The following MAGI2 variants were observed in gnomAD, a reference collection of about 807,000 sequenced individuals.
The protein encoded by MAGI2 is membrane associated guanylate kinase, WW and PDZ domain containing 2.
A neutral mutation model predicts 133.3 loss-of-function variants in MAGI2; 35 were observed. The ratio of observed to expected loss-of-function variants is 0.26; its 90% CI spans 0.20 to 0.35. The LOEUF (loss-of-function observed/expected upper bound fraction) is 0.35, where lower values mean the gene tolerates loss of function less well. Ranked by LOEUF, MAGI2 falls within the 10% of genes least tolerant of loss-of-function variation. The pLI is 1.00. For synonymous variants in MAGI2, 729 were observed against 710.6 expected (o/e 1.03, Z -0.41); for missense variants, 1,636 against 1,863.4 (o/e 0.88, Z 2.25).
rs553877849 is a variant in MAGI2, at chr7:79,377,861, C to T, written c.301+75159G>A. ...CATCAAAATAATAGTATATGTAGGT[C>T]GAATACAGGTCACTTTTAGCTTTCC... On this transcript the variant is annotated intron_variant, in intron 1 of 21. Coordinates refer to ENST00000354212, the MANE Select transcript of MAGI2 (RefSeq NM_012301.4). 2.6e-5 allele frequency among the ~76,000 whole-genome samples: 4 copies of T among 151,788 alleles called. No homozygotes were observed. In the South Asian group the frequency reaches 8.3e-4, roughly 32 times the overall value.
chr7:79,146,391 C>T (rs1000840693), intron 1 of MAGI2, among the ~76,000 whole-genome samples: 7 of 152,108 alleles, frequency 4.6e-5, no homozygotes, highest in Non-Finnish European at 1.0e-4. Context: ...ATGATCTGGA[C>T]ATTTTTGGTT....
intron 1 of MAGI2, among the ~76,000 whole-genome samples, chr7:79,364,035 C>A (rs848908): frequency 0.5 from 76,194 of 151,642 alleles, 20,640 homozygotes; most frequent in African/African-American, 0.71. Context: ...TTAGAACCAT[C>A]ATGAGATATC....
At chr7:79,364,141 A>G (rs1181363632) in intron 1 of MAGI2, among the ~76,000 whole-genome samples, 1 of 151,964 alleles carries the variant, frequency 6.6e-6, no homozygotes, top group Non-Finnish European at 1.5e-5. Context: ...CGTTTGTAGG[A>G]ATGTAAATTA....
At position 79,238,700 on chromosome 7, in the gene MAGI2, G is replaced by A. The variant is rs539196158; in HGVS notation, c.301+214320C>T. Among the ~76,000 whole-genome samples the A allele has an allele frequency of 7.9e-5, 12 of 152,166 alleles. No individual in the cohort carries two copies. In the East Asian group the frequency reaches 2.3e-3, roughly 29 times the overall value. On this transcript the variant is annotated intron_variant, in intron 1 of 21. Transcript: ENST00000354212. ...AAAGTTTCTCTTAAATATTATTTGA[G>A]GGACTAATTTGCTTTGGATAAGAAC...
At chr7:78,567,274 C>A (rs1801036091) in intron 3 of MAGI2, among the ~76,000 whole-genome samples, 3 of 152,066 alleles carry the variant, frequency 2.0e-5, no homozygotes, top group Non-Finnish European at 4.4e-5. Context: ...CTTGAAAAAT[C>A]AGAATTCAAA....
chr7:78,710,470 A>C (rs1004261785), intron 2 of MAGI2, among the ~76,000 whole-genome samples: 5 of 152,182 alleles, frequency 3.3e-5, no homozygotes, highest in Non-Finnish European at 7.4e-5. Flanking sequence ...TTCTTAGAGA[A>C]GTGAACTACA....
At chr7:79,173,972 G>C (rs974712222) in intron 1 of MAGI2, among the ~76,000 whole-genome samples, 4 of 151,894 alleles carry the variant, frequency 2.6e-5, no homozygotes, top group African/African-American at 9.7e-5. Context: ...TGAACCACAG[G>C]CAGTTTTTTT....
rs553438515 is a variant in MAGI2 at position 78,050,601 on chromosome 7, A to G, written c.3706+28346T>C. ...TGTATGATTAGAGAGAAAGCAGGGG[A>G]ATTGAAACGTTTGTTTCTCTCTCAG... On this transcript the variant is annotated intron_variant, in intron 21 of 21. Transcript: ENST00000354212. Among the ~76,000 whole-genome samples, 79 of 152,310 alleles carry G rather than the reference A, an allele frequency of 5.2e-4. No homozygotes were observed. The South Asian group carries it at 0.016, about 31-fold the overall frequency.
chr7:78,898,765 C>T (rs572196538), intron 2 of MAGI2, among the ~76,000 whole-genome samples: 20 of 152,196 alleles, frequency 1.3e-4, no homozygotes, highest in African/African-American at 4.3e-4. Context: ...TGTAAGTTTA[C>T]TTATATACCA....
intron 2 of MAGI2, among the ~76,000 whole-genome samples, chr7:78,800,723 C>T (rs1004049155): frequency 2.0e-5 from 3 of 152,084 alleles, no homozygotes; most frequent in African/African-American, 7.2e-5. Flanking sequence ...TCTATTGTGT[C>T]TTGCTCAGTA....
chr7:78,294,225 A>C (rs1797009478), intron 9 of MAGI2, among the ~76,000 whole-genome samples: 1 of 152,094 alleles, frequency 6.6e-6, no homozygotes, highest in African/African-American at 2.4e-5. Context: ...ATACTGTGCC[A>C]TTATTGCTGA....
chr7:79,229,586 C>G (rs1831173037), intron 1 of MAGI2, among the ~76,000 whole-genome samples: 1 of 152,032 alleles, frequency 6.6e-6, no homozygotes, highest in Non-Finnish European at 1.5e-5. Context: ...TCTACAGGTG[C>G]AAATTTCTGT....
At chr7:78,787,682 C>A (rs1826951422) in intron 2 of MAGI2, among the ~76,000 whole-genome samples, 1 of 152,148 alleles carries the variant, frequency 6.6e-6, no homozygotes, top group South Asian at 2.1e-4. Context: ...TAGTTATACT[C>A]CCTTAGTAAG....
At chr7:78,183,885 T>C (rs1399425189) in intron 13 of MAGI2, among the ~76,000 whole-genome samples, 2 of 152,264 alleles carry the variant, frequency 1.3e-5, no homozygotes, top group African/African-American at 4.8e-5. Flanking sequence ...TTATTTTAAA[T>C]GCAGTCATGA....
Position 78,290,305 on chromosome 7 carries a change from G to C in MAGI2, c.1409-33724C>G, listed in dbSNP as rs191833967. ...AAAAAGAGCAGGGGTTTCAATCCTA[G>C]TCTCTGATAAAACAGACTTTAACAA... On this transcript the variant is annotated intron_variant, in intron 9 of 21. Transcript: ENST00000354212. 8.4e-4 allele frequency among the ~76,000 whole-genome samples: 128 copies of C among 152,272 alleles called. No individual in the cohort carries two copies. In the East Asian group the frequency reaches 0.015, roughly 18 times the overall value.
At chr7:78,660,221 T>A (rs1812793606) in intron 2 of MAGI2, among the ~76,000 whole-genome samples, 1 of 152,032 alleles carries the variant, frequency 6.6e-6, no homozygotes, top group Admixed American at 6.6e-5. Flanking sequence ...TGTATACATA[T>A]GTAACAAACC....
intron 21 of MAGI2, among the ~76,000 whole-genome samples, chr7:78,048,495 T>G (rs1056668870): frequency 2.6e-5 from 4 of 152,164 alleles, no homozygotes; most frequent in African/African-American, 9.7e-5. Context: ...CTCCACCGAT[T>G]ACTAAAATAT....
chr7:78,736,086 G>C (rs940841765), intron 2 of MAGI2, among the ~76,000 whole-genome samples: 1 of 152,092 alleles, frequency 6.6e-6, no homozygotes, highest in Non-Finnish European at 1.5e-5. Context: ...TAAGCACAAA[G>C]AGAGATAAGA....
intron 3 of MAGI2, among the ~76,000 whole-genome samples, chr7:78,623,283 C>G (rs1210198724): frequency 6.6e-6 from 1 of 150,704 alleles, no homozygotes; most frequent in Non-Finnish European, 1.5e-5. Context: ...TTGGTTCATT[C>G]TTACATAAGT....
Sources: allele counts gnomAD v4.1 joint callset (sites outside exome capture counted in the v4.1 genomes callset), GRCh38; gene constraint gnomAD v4.1.1; transcripts MANE v1.5; gene names NCBI Gene and HGNC (gene_info 2026-07-23, HGNC 2026-07-21).